Variants in FHIP1A observed in about 807,000 individuals in gnomAD.
The protein encoded by FHIP1A is FHF complex subunit HOOK-interacting protein 1A.
Under a neutral mutation model 88.6 loss-of-function variants are expected in FHIP1A, and 61 were observed. That is an observed-to-expected ratio of 0.69 (90% CI 0.56 to 0.85). The LOEUF (loss-of-function observed/expected upper bound fraction) is 0.85. FHIP1A is among the 40% of genes least tolerant of loss of function. The pLI is 0.00. For synonymous variants in FHIP1A, 478 were observed against 496.0 expected (o/e 0.96, Z 0.48); for missense variants, 1,154 against 1,273.5 (o/e 0.91, Z 1.43).
chr4:151,409,814 C>CTGGGAGGCACAGGAAA (rs1451028938), intron 1 of FHIP1A, among the ~76,000 whole-genome samples: 1 of 152,054 alleles, frequency 6.6e-6, no homozygotes, highest in African/African-American at 2.4e-5. Context: ...CCAGGGTCCT[C>CTGGGAGGCACAGGAAA]TGGGAGGCAC....
chr4:151,605,988 A>G (rs1205442232), intron 7 of FHIP1A, among the ~76,000 whole-genome samples: 1 of 152,224 alleles, frequency 6.6e-6, no homozygotes, highest in African/African-American at 2.4e-5. Context: ...AAGAGCAATT[A>G]AGTACCATCT....
chr4:151,662,421 C>T (rs572639729), intron 13 of FHIP1A, 80 bp from the exon 14 acceptor site: 3 of 1,411,144 alleles, frequency 2.1e-6, no homozygotes, highest in Admixed American at 2.9e-5. Flanking sequence ...GCAACTCTGC[C>T]CCCAAACACA....
chr4:151,621,337 T>C (rs1032748033), intron 7 of FHIP1A, among the ~76,000 whole-genome samples: 2 of 152,018 alleles, frequency 1.3e-5, no homozygotes, highest in African/African-American at 4.8e-5. Flanking sequence ...TTGAATTTGT[T>C]TGGGCAGATA....
intron 3 of FHIP1A, among the ~76,000 whole-genome samples, chr4:151,531,890 A>G (rs1008098389): frequency 5.3e-5 from 8 of 152,230 alleles, no homozygotes; most frequent in Admixed American, 1.3e-4. Flanking sequence ...AAAGAAGTAT[A>G]TGAAGAAGAG....
intron 3 of FHIP1A, among the ~76,000 whole-genome samples, chr4:151,498,461 G>A (rs77219063): frequency 0.014 from 2,195 of 152,204 alleles, 49 homozygotes; most frequent in African/African-American, 0.051. Flanking sequence ...AGGGGAGGGC[G>A]GTTTGGATAG....
chr4:151,530,667 T>C (rs1443090), intron 3 of FHIP1A, among the ~76,000 whole-genome samples: 77,550 of 151,982 alleles, frequency 0.51, 20,025 homozygotes, highest in Non-Finnish European at 0.55. Context: ...ACTCCTTCTC[T>C]TTCCTGCCTC....
In FHIP1A at chr4:151,410,432, A is replaced by G. The variant is rs115908189; in HGVS notation, c.-356+967A>G. Reference sequence around the variant, plus strand: ...CTTCTCTGGAAGGGCTGTGCTATCAAATTCATCTCATTAGGAAGTCAGCTG... The same window carrying G: ...CTTCTCTGGAAGGGCTGTGCTATCAGATTCATCTCATTAGGAAGTCAGCTG... On this transcript the variant is annotated intron_variant, in intron 1 of 13. Coordinates refer to ENST00000435205, the MANE Select transcript of FHIP1A (RefSeq NM_001109977.3). Among the ~76,000 whole-genome samples, 1,413 of 152,370 alleles carry G rather than the reference A, an allele frequency of 9.3e-3. 18 individuals are homozygous for G. The highest frequency in any genetic ancestry group is 0.032 in the African/African-American group (1,320 of 41,588).
At chr4:151,562,037 A>G (rs2126764861) in intron 3 of FHIP1A, among the ~76,000 whole-genome samples, 1 of 152,312 alleles carries the variant, frequency 6.6e-6, no homozygotes, top group African/African-American at 2.4e-5. Context: ...TGACATTCCA[A>G]AAGAAGAGTC....
chr4:151,420,278 C>T (rs1380782590), intron 1 of FHIP1A, among the ~76,000 whole-genome samples: 1 of 56,090 alleles, frequency 1.8e-5, no homozygotes, highest in Non-Finnish European at 3.8e-5. Flanking sequence ...TTAATGATTG[C>T]CATTCTAACT....
rs1737609450 is a variant in FHIP1A at position 151,664,998 on chromosome 4, G to T, written c.*2244G>T. Among the ~76,000 whole-genome samples, 1 of 151,878 alleles carries T rather than the reference G, an allele frequency of 6.6e-6. No homozygotes were observed. Among genetic ancestry groups the T allele is most frequent in the Non-Finnish European group, 1.5e-5 (1 of 67,968 alleles). ...TTACTTTATTATTTTATTTTTTTGAGACAGGATCTTGCGCTGCCTGGGCTA... is the reference window on the plus strand; with the variant it reads ...TTACTTTATTATTTTATTTTTTTGATACAGGATCTTGCGCTGCCTGGGCTA... On this transcript the variant is annotated 3_prime_UTR_variant, in exon 14 of 14. Coordinates refer to ENST00000435205, the MANE Select transcript of FHIP1A (RefSeq NM_001109977.3).
intron 5 of FHIP1A, among the ~76,000 whole-genome samples, chr4:151,581,477 TG>T (rs1734023921): frequency 6.6e-6 from 1 of 152,216 alleles, no homozygotes; most frequent in African/African-American, 2.4e-5. Context: ...TCCATTTAAC[TG>T]CATCATAAGC....
chr4:151,514,532 A>T (rs1731155684), intron 3 of FHIP1A, among the ~76,000 whole-genome samples: 1 of 151,890 alleles, frequency 6.6e-6, no homozygotes, highest in Non-Finnish European at 1.5e-5. Context: ...TTTTGAAAGG[A>T]TCAACAAAAT....
chr4:151,448,966 T>G (rs1177213823), intron 1 of FHIP1A, among the ~76,000 whole-genome samples: 1 of 152,224 alleles, frequency 6.6e-6, no homozygotes, highest in Non-Finnish European at 1.5e-5. Flanking sequence ...TAGTTAGGTC[T>G]TTCTGGTTAG....
chr4:151,644,186 A>G (rs1736699356), intron 9 of FHIP1A, among the ~76,000 whole-genome samples: 1 of 152,188 alleles, frequency 6.6e-6, no homozygotes, highest in Admixed American at 6.5e-5. Flanking sequence ...AGGCCTCACC[A>G]GCCTATAGGA....
chr4:151,548,992 G>A (rs1732616856), intron 3 of FHIP1A, among the ~76,000 whole-genome samples: 1 of 152,190 alleles, frequency 6.6e-6, no homozygotes. Flanking sequence ...TATTCCTGAT[G>A]CAGGTACCCT....
rs535744115 is a variant in FHIP1A at position 151,495,649 on chromosome 4, G to T, written c.-123+13001G>T. Among the ~76,000 whole-genome samples, 354 of 138,328 alleles carry T rather than the reference G, an allele frequency of 2.6e-3. 2 individuals carry two copies. The highest frequency in any genetic ancestry group is 8.8e-3 in the African/African-American group (326 of 37,244). The allele number at this position is 138,328 out of a possible 152,430, so 90.7% of individuals were successfully genotyped here. On this transcript the variant is annotated intron_variant, in intron 3 of 13. Transcript: ENST00000435205. ...TCTTTTTTTTTTTTTTTGAGATGGA[G>T]TTTCTTTCTTGTTACCCAGGCTGGA... is the stretch of plus-strand genomic sequence containing the variant.
rs545224970 is a variant in FHIP1A, at chr4:151,612,954, G to A, written c.979-16748G>A. Among the ~76,000 whole-genome samples the A allele has an allele frequency of 4.9e-3, 744 of 152,292 alleles. 6 individuals carry two copies. Among genetic ancestry groups the A allele is most frequent in the Non-Finnish European group, 5.3e-3 (363 of 68,032 alleles). ...AGAGACGCGACACCTTACTGACCGT[G>A]CTTCTTTTTAGTGGTGGAAGGCAGG... On this transcript the variant is annotated intron_variant, in intron 7 of 13. Transcript: ENST00000435205.
intron 1 of FHIP1A, among the ~76,000 whole-genome samples, chr4:151,424,118 G>T (rs1280773888): frequency 1.3e-5 from 2 of 152,080 alleles, no homozygotes; most frequent in Admixed American, 1.3e-4. Context: ...TTGGGGTGTG[G>T]CTGCAGCAAG....
At chr4:151,515,380 T>C (rs1438269035) in intron 3 of FHIP1A, among the ~76,000 whole-genome samples, 2 of 151,968 alleles carry the variant, frequency 1.3e-5, no homozygotes, top group Non-Finnish European at 2.9e-5. Context: ...AGCATTCCCT[T>C]TGAAAAGTGG....
Sources: allele counts gnomAD v4.1 joint callset (sites outside exome capture counted in the v4.1 genomes callset), GRCh38; gene constraint gnomAD v4.1.1; transcripts MANE v1.5; gene names NCBI Gene and HGNC (gene_info 2026-07-23, HGNC 2026-07-21).